The following DAB1 variants were observed in gnomAD, a reference collection of about 807,000 sequenced individuals.
DAB1 encodes disabled homolog 1.
A neutral mutation model predicts 64.6 loss-of-function variants in DAB1; 15 were observed. That is an observed-to-expected ratio of 0.23 (90% CI 0.16 to 0.36). DAB1 has a LOEUF of 0.36. DAB1 is among the 10% of genes least tolerant of loss of function. DAB1 has a pLI of 1.00. For missense variants in DAB1, 596 were observed against 706.7 expected (o/e 0.84, Z 1.78); for synonymous variants, 235 against 251.9 (o/e 0.93, Z 0.64).
At chr1:57,761,270 A>C (rs1649074261) in intron 6 of DAB1, among the ~76,000 whole-genome samples, 1 of 152,226 alleles carries the variant, frequency 6.6e-6, no homozygotes, top group Admixed American at 6.5e-5. Flanking sequence ...AGAAGACATC[A>C]GGTTTGGAGC....
At chr1:57,006,920 C>A (rs1436731126) in intron 14 of DAB1, among the ~76,000 whole-genome samples, 1 of 152,130 alleles carries the variant, frequency 6.6e-6, no homozygotes, top group Non-Finnish European at 1.5e-5. Flanking sequence ...GTATGCTTAC[C>A]TAAGGTGACC....
At chr1:57,815,074 G>T (rs1428339932) in intron 6 of DAB1, among the ~76,000 whole-genome samples, 7 of 151,144 alleles carry the variant, frequency 4.6e-5, no homozygotes, top group African/African-American at 1.7e-4. Flanking sequence ...TTTTTTGTTT[G>T]TTTGTTTGTT....
intron 7 of DAB1, among the ~76,000 whole-genome samples, chr1:57,622,635 C>A (rs965378677): frequency 1.3e-5 from 2 of 152,068 alleles, no homozygotes; most frequent in Admixed American, 1.3e-4. Context: ...GTAACTTGAC[C>A]AAGATCACAC....
intron 3 of DAB1, among the ~76,000 whole-genome samples, chr1:58,423,998 C>T (rs1028114027): frequency 1.3e-5 from 2 of 152,124 alleles, no homozygotes; most frequent in African/African-American, 4.8e-5. Context: ...CATTTATTCC[C>T]CATTTAGTCC....
At chr1:57,048,840 C>T (rs928463542) in intron 9 of DAB1, among the ~76,000 whole-genome samples, 8 of 152,296 alleles carry the variant, frequency 5.3e-5, no homozygotes, top group Middle Eastern at 3.4e-3. Context: ...AGCAGAGAGA[C>T]GGGGTGATCA....
chr1:57,125,715 C>A (rs1657075371), intron 4 of DAB1, among the ~76,000 whole-genome samples: 1 of 152,106 alleles, frequency 6.6e-6, no homozygotes, highest in African/African-American at 2.4e-5. Context: ...TTTTATGCAA[C>A]CTTCTACTCA....
chr1:57,907,042 T>C (rs1326012420), intron 5 of DAB1, among the ~76,000 whole-genome samples: 1 of 152,220 alleles, frequency 6.6e-6, no homozygotes, highest in African/African-American at 2.4e-5. Flanking sequence ...TTCAGGGAAC[T>C]GAATGTAAAA....
intron 4 of DAB1, among the ~76,000 whole-genome samples, chr1:58,292,099 A>AT (rs1236402444): frequency 6.6e-6 from 1 of 152,058 alleles, no homozygotes; most frequent in Non-Finnish European, 1.5e-5. Flanking sequence ...ATTTTGCCTC[A>AT]TTTTTTACCA....
chr1:57,605,633 T>C (rs1570666997), intron 7 of DAB1, among the ~76,000 whole-genome samples: 1 of 152,176 alleles, frequency 6.6e-6, no homozygotes, highest in East Asian at 1.9e-4. Context: ...CCCTTCCATG[T>C]TGCCTAGATC....
At chr1:58,450,523 G>A (rs1236978426) in intron 3 of DAB1, among the ~76,000 whole-genome samples, 1 of 152,194 alleles carries the variant, frequency 6.6e-6, no homozygotes, top group African/African-American at 2.4e-5. Flanking sequence ...GGGAGGCCGA[G>A]GCGGGCGGAT....
intron 9 of DAB1, among the ~76,000 whole-genome samples, chr1:57,046,071 C>T (rs1259457536): frequency 6.6e-6 from 1 of 152,190 alleles, no homozygotes; most frequent in Non-Finnish European, 1.5e-5. Flanking sequence ...CTTAATTAAA[C>T]TGGATAAATT....
intron 1 of DAB1, among the ~76,000 whole-genome samples, chr1:57,875,883 C>G (rs570716609): frequency 1.8e-4 from 28 of 152,228 alleles, no homozygotes; most frequent in African/African-American, 6.7e-4. Flanking sequence ...ACTTTCTCCT[C>G]CAAACATATA....
intron 7 of DAB1, among the ~76,000 whole-genome samples, chr1:57,435,075 G>A (rs1305704317): frequency 8.0e-6 from 1 of 125,486 alleles, no homozygotes; most frequent in African/African-American, 3.1e-5. Flanking sequence ...TTGAGAGAGA[G>A]TCTCGCTCTG....
chr1:57,510,810 G>T lies in DAB1; in HGVS notation n.625+138782C>A, dbSNP rs11207045. On this transcript the variant is annotated intron_variant and non_coding_transcript_variant, in intron 7 of 20. Coordinates refer to the DAB1 transcript ENST00000485760. The stretch of plus-strand genomic sequence containing the variant: ...TTTCATTTTTTAGACTCGGGGTCTC[G>T]CTCTGTCACCCAGGCTAGAATGCAG... 2.6e-5 allele frequency among the ~76,000 whole-genome samples: 4 copies of T among 151,870 alleles called. No homozygotes were observed. In the East Asian group the frequency reaches 5.8e-4, roughly 22 times the overall value.
At chr1:57,662,353 C>T (rs538871999) in intron 6 of DAB1, among the ~76,000 whole-genome samples, 2 of 152,132 alleles carry the variant, frequency 1.3e-5, no homozygotes, top group Non-Finnish European at 2.9e-5. Flanking sequence ...TGCGCCACCA[C>T]GCCCGGCTAA....
At chr1:58,043,217 T>A (rs1392642921) in intron 5 of DAB1, among the ~76,000 whole-genome samples, 1 of 152,210 alleles carries the variant, frequency 6.6e-6, no homozygotes, top group Non-Finnish European at 1.5e-5. Flanking sequence ...CCGATCTTGT[T>A]AGTGGCATTT....
chr1:57,027,733 T>C (rs937331600), intron 9 of DAB1, among the ~76,000 whole-genome samples: 4 of 152,198 alleles, frequency 2.6e-5, no homozygotes, highest in Admixed American at 1.3e-4. Flanking sequence ...CAAAAGTCTC[T>C]TTTTGCTGAA....
intron 4 of DAB1, among the ~76,000 whole-genome samples, chr1:58,269,345 C>T (rs1661256766): frequency 6.6e-6 from 1 of 151,204 alleles, no homozygotes; most frequent in South Asian, 2.1e-4. Flanking sequence ...GACATGAACT[C>T]ATCATTTTTT....
intron 9 of DAB1, among the ~76,000 whole-genome samples, chr1:57,055,807 CA>C (rs1371318178): frequency 6.6e-6 from 1 of 151,922 alleles, no homozygotes; most frequent in African/African-American, 2.4e-5. Context: ...GGAGAGGGTC[CA>C]CCATCAATAT....
Sources: gnomAD v4.1 joint callset for allele counts (sites outside exome capture counted in the v4.1 genomes callset) on GRCh38, gnomAD v4.1.1 for gene constraint, MANE v1.5 for transcripts, NCBI Gene and HGNC (gene_info 2026-07-23, HGNC 2026-07-21) for gene names.